The following TNFSF4 variants were observed in gnomAD, a reference collection of about 807,000 sequenced individuals.
The protein encoded by TNFSF4 is tumor necrosis factor ligand superfamily member 4.
In TNFSF4, 4 loss-of-function variants were observed where a neutral mutation model predicts 7.3. The observed-to-expected ratio is 0.55, with a 90% CI of 0.27 to 1.25. TNFSF4 has a LOEUF of 1.25. Ranked by LOEUF, TNFSF4 falls within the 50% of genes most tolerant of loss-of-function variation. TNFSF4 has a pLI of 0.12. For synonymous variants in TNFSF4, 76 were observed against 83.7 expected (o/e 0.91, Z 0.50); for missense variants, 181 against 208.8 (o/e 0.87, Z 0.82).
At chr1:173,179,883 G>A (rs1226528288), downstream of TNFSF4, among the ~76,000 whole-genome samples, 1 of 152,136 alleles carries the variant, frequency 6.6e-6, no homozygotes, top group Non-Finnish European at 1.5e-5. Flanking sequence ...TATAGTCTTG[G>A]ATGGTATTTT....
the TNFSF4 span, among the ~76,000 whole-genome samples, chr1:173,348,422 T>C: frequency 2.6e-5 from 4 of 152,378 alleles, no homozygotes; most frequent in African/African-American, 9.6e-5. Context: ...ATTAAACTTC[T>C]TTCTTTTGTA....
At chr1:173,194,741 A>T (rs1053149759) in intron 1 of TNFSF4, among the ~76,000 whole-genome samples, 5 of 152,068 alleles carry the variant, frequency 3.3e-5, no homozygotes, top group Non-Finnish European at 5.9e-5. Context: ...AAAATAATAA[A>T]AAAAATAGCT....
At chr1:173,231,918 T>G in the TNFSF4 span, among the ~76,000 whole-genome samples, 3 of 152,110 alleles carry the variant, frequency 2.0e-5, no homozygotes, top group Non-Finnish European at 2.9e-5. Flanking sequence ...TCCAGCTTTG[T>G]TCTTTTGGCT....
chr1:173,193,580 G>A (rs575305128), intron 1 of TNFSF4, among the ~76,000 whole-genome samples: 12 of 151,972 alleles, frequency 7.9e-5, no homozygotes, highest in African/African-American at 2.7e-4. Flanking sequence ...TTTCTCCCAC[G>A]CGAATTTGAA....
At chr1:173,247,414 G>GT in the TNFSF4 span, among the ~76,000 whole-genome samples, 5 of 152,018 alleles carry the variant, frequency 3.3e-5, no homozygotes, top group Admixed American at 2.0e-4. Flanking sequence ...GTTTTAGTGA[G>GT]TTTTTTTTAA....
chr1:173,327,204 A>G, the TNFSF4 span, among the ~76,000 whole-genome samples: 1 of 152,246 alleles, frequency 6.6e-6, no homozygotes, highest in East Asian at 1.9e-4. Context: ...GCCCTCAGAA[A>G]TAACGCCGCA....
At chr1:173,398,186 C>T in the TNFSF4 span, among the ~76,000 whole-genome samples, 1 of 152,124 alleles carries the variant, frequency 6.6e-6, no homozygotes, top group African/African-American at 2.4e-5. Flanking sequence ...TAACTTAGTT[C>T]TCAGAGATCA....
rs1649107243 is a variant in TNFSF4, at chr1:173,183,787, C to T, written c.*2729G>A. 6.6e-6 allele frequency: 1 copy of T among 152,052 alleles called. No individual in the cohort carries two copies. Among genetic ancestry groups the T allele is most frequent in the African/African-American group, 2.4e-5 (1 of 41,388 alleles). The allele number at this position is 152,052 out of a possible 1,614,324, so 9.4% of individuals were successfully genotyped here. A position where few individuals can be genotyped will look rare whatever the true frequency, so the allele number is the denominator to read the frequency against. ...ATGTAAATAGCAATATTACTATTAA[C>T]TATATTATTAATATCAATATTAATA... On this transcript the variant is annotated 3_prime_UTR_variant, in exon 3 of 3. Coordinates refer to ENST00000281834, the MANE Select transcript of TNFSF4 (RefSeq NM_003326.5).
the TNFSF4 span, among the ~76,000 whole-genome samples, chr1:173,319,810 A>G: frequency 1.3e-5 from 2 of 152,228 alleles, no homozygotes; most frequent in African/African-American, 4.8e-5. Context: ...GAACAGCAAC[A>G]CCAACAAAGA....
chr1:173,333,735 A>T, the TNFSF4 span, among the ~76,000 whole-genome samples: 1 of 152,164 alleles, frequency 6.6e-6, no homozygotes, highest in Non-Finnish European at 1.5e-5. Flanking sequence ...CAGAACAGTG[A>T]GAAAAAATTT....
chr1:173,334,866 T>C, the TNFSF4 span, among the ~76,000 whole-genome samples: 2 of 152,108 alleles, frequency 1.3e-5, no homozygotes, highest in African/African-American at 2.4e-5. Context: ...GACTTGTAAC[T>C]AGACTTAAAT....
the TNFSF4 span, among the ~76,000 whole-genome samples, chr1:173,232,393 A>G: frequency 6.6e-6 from 1 of 152,220 alleles, no homozygotes; most frequent in African/African-American, 2.4e-5. Flanking sequence ...TTTTCTAAAT[A>G]TACAATCATG....
the TNFSF4 span, among the ~76,000 whole-genome samples, chr1:173,296,224 T>A: frequency 2.0e-5 from 3 of 151,902 alleles, no homozygotes; most frequent in Non-Finnish European, 4.4e-5. Flanking sequence ...TGGTTAGAAA[T>A]CCTGACCCCT....
the TNFSF4 span, among the ~76,000 whole-genome samples, chr1:173,233,204 C>T: frequency 1.3e-5 from 2 of 152,038 alleles, no homozygotes; most frequent in South Asian, 4.1e-4. Context: ...GTAGCTGATT[C>T]GATCAACTGG....
chr1:173,300,204 T>TAC, the TNFSF4 span, among the ~76,000 whole-genome samples: 1 of 123,670 alleles, frequency 8.1e-6, no homozygotes, highest in Admixed American at 8.6e-5. Context: ...TACATACATA[T>TAC]AAGATAAAAG....
the TNFSF4 span, among the ~76,000 whole-genome samples, chr1:173,350,072 G>A: frequency 6.6e-6 from 1 of 152,126 alleles, no homozygotes; most frequent in Admixed American, 6.5e-5. Context: ...TAAATGAACT[G>A]TGTAGATCAG....
the TNFSF4 span, among the ~76,000 whole-genome samples, chr1:173,350,957 CTCTG>C: frequency 2.6e-5 from 4 of 152,304 alleles, no homozygotes; most frequent in South Asian, 2.1e-4. Context: ...CAAAATGACT[CTCTG>C]TCTATCTAAA....
At chr1:173,419,832 T>C in the TNFSF4 span, among the ~76,000 whole-genome samples, 1 of 152,144 alleles carries the variant, frequency 6.6e-6, no homozygotes, top group Non-Finnish European at 1.5e-5. Flanking sequence ...AGATTAACTA[T>C]AGCTCCTAGA....
At chr1:173,206,892 G>A (rs778404812) in intron 1 of TNFSF4, 132 bp downstream of exon 1, 23 of 1,045,702 alleles carry the variant, frequency 2.2e-5, no homozygotes, top group Non-Finnish European at 2.6e-5. Flanking sequence ...CACACTTTAC[G>A]ATTGCTGTGG....
Sources: gnomAD v4.1 joint callset for allele counts (sites outside exome capture counted in the v4.1 genomes callset) on GRCh38, gnomAD v4.1.1 for gene constraint, MANE v1.5 for transcripts, NCBI Gene and HGNC (gene_info 2026-07-23, HGNC 2026-07-21) for gene names.